The following CLSTN2 variants were observed in gnomAD, a reference collection of about 807,000 sequenced individuals.
CLSTN2 encodes the protein calsyntenin 2, also known as calsyntenin-2.
A neutral mutation model predicts 101.2 loss-of-function variants in CLSTN2; 48 were observed. The observed-to-expected ratio is 0.47, with a 90% CI of 0.38 to 0.60. The LOEUF is 0.60. Ranked by LOEUF, CLSTN2 falls within the 20% of genes least tolerant of loss-of-function variation. CLSTN2 has a pLI of 0.00. For synonymous variants in CLSTN2, 481 were observed against 463.6 expected, an observed-to-expected ratio of 1.04 and a Z score of -0.48; for missense variants, 1,160 against 1,238.2, an observed-to-expected ratio of 0.94 and a Z score of 0.95.
chr3:140,527,764 G>T (rs1233771957), intron 8 of CLSTN2, among the ~76,000 whole-genome samples: 1 of 152,152 alleles, frequency 6.6e-6, no homozygotes, highest in Non-Finnish European at 1.5e-5. Flanking sequence ...CATGTCCTTT[G>T]TGGCAACATA....
intron 2 of CLSTN2, among the ~76,000 whole-genome samples, chr3:140,319,875 A>G (rs886860945): frequency 6.6e-6 from 1 of 152,264 alleles, no homozygotes; most frequent in Non-Finnish European, 1.5e-5. Context: ...GTGGCAACTC[A>G]GTCACCTCCC....
intron 1 of CLSTN2, among the ~76,000 whole-genome samples, chr3:139,991,116 T>G (rs1401927612): frequency 1.3e-5 from 2 of 152,236 alleles, no homozygotes; most frequent in African/African-American, 2.4e-5. Context: ...TGGTTTTATC[T>G]TATTTGGGTA....
At chr3:140,189,272 G>C (rs2010526798) in intron 2 of CLSTN2, among the ~76,000 whole-genome samples, 1 of 152,128 alleles carries the variant, frequency 6.6e-6, no homozygotes, top group African/African-American at 2.4e-5. Context: ...TACATGTCAG[G>C]AGTATAGTTG....
Position 139,947,769 on chromosome 3 carries a change from G to A in CLSTN2, c.109+12286G>A, listed in dbSNP as rs185094240. Among the ~76,000 whole-genome samples the A allele has an allele frequency of 5.0e-4, 76 of 152,072 alleles. 1 individual carries two copies. Among genetic ancestry groups the A allele is most frequent in the African/African-American group, 1.7e-3 (70 of 41,508 alleles). On this transcript the variant is annotated intron_variant, in intron 1 of 16. Coordinates refer to ENST00000458420, the MANE Select transcript of CLSTN2 (RefSeq NM_022131.3). ...GTATCTTGCTTAATTATTAATGTTA[G>A]AATTATATTTAAGACTTTTTAGTAA...
Position 140,074,134 on chromosome 3 carries a change from C to CT in CLSTN2, c.110-101808dup, listed in dbSNP as rs940472319. Among the ~76,000 whole-genome samples the CT allele has an allele frequency of 6.6e-5, 10 of 151,584 alleles. 1 individual carries two copies. The highest frequency in any genetic ancestry group is 4.2e-4 in the South Asian group (2 of 4,752). ...ATCAAAGCTATAGCTTGCTGTTTTG[C>CT]TTTTTTTTTCCCACCTGCCATTTGA... On this transcript the variant is annotated intron_variant, in intron 1 of 16. Transcript: ENST00000458420.
At chr3:140,108,090 G>T (rs1282698271) in intron 1 of CLSTN2, among the ~76,000 whole-genome samples, 1 of 152,164 alleles carries the variant, frequency 6.6e-6, no homozygotes, top group Non-Finnish European at 1.5e-5. Context: ...CCTCTTCAGT[G>T]TGTAGAGAAT....
intron 2 of CLSTN2, among the ~76,000 whole-genome samples, chr3:140,333,506 G>C (rs367758770): frequency 5.8e-4 from 88 of 152,184 alleles, no homozygotes; most frequent in African/African-American, 1.9e-3. Flanking sequence ...CAGGACCCCT[G>C]TGCCCATGGT....
At chr3:140,403,937 A>C (rs1221014751) in intron 3 of CLSTN2, 113 bp downstream of exon 3, 16 of 862,876 alleles carry the variant, frequency 1.9e-5, no homozygotes, top group Admixed American at 2.9e-5. Context: ...TGGTGCTCCA[A>C]CTTTGCTCAA....
intron 1 of CLSTN2, among the ~76,000 whole-genome samples, chr3:140,074,659 G>A (rs1255739904): frequency 2.0e-5 from 3 of 152,194 alleles, no homozygotes; most frequent in Non-Finnish European, 4.4e-5. Flanking sequence ...TTTTACAGAT[G>A]AGGAAACAGA....
intron 6 of CLSTN2, among the ~76,000 whole-genome samples, chr3:140,459,196 G>A (rs1933493473): frequency 6.6e-6 from 1 of 152,128 alleles, no homozygotes; most frequent in Non-Finnish European, 1.5e-5. Context: ...TCAAATCCTG[G>A]CTTTCTCCAG....
intron 5 of CLSTN2, among the ~76,000 whole-genome samples, chr3:140,428,194 G>A (rs1260254567): frequency 2.6e-5 from 4 of 152,082 alleles, no homozygotes; most frequent in Non-Finnish European, 5.9e-5. Flanking sequence ...TTTATCTTAT[G>A]TTATGCTGTT....
intron 8 of CLSTN2, among the ~76,000 whole-genome samples, chr3:140,521,633 G>A (rs1161454616): frequency 1.3e-5 from 2 of 152,212 alleles, no homozygotes; most frequent in Non-Finnish European, 2.9e-5. Flanking sequence ...AAGAAATCTG[G>A]CTGATTTTTG....
intron 2 of CLSTN2, among the ~76,000 whole-genome samples, chr3:140,385,669 G>A (rs908777732): frequency 5.3e-5 from 8 of 152,006 alleles, no homozygotes; most frequent in Non-Finnish European, 5.9e-5. Context: ...GAGCCACCGC[G>A]CCCGGCCCCT....
chr3:140,111,231 C>T (rs1047859543), intron 1 of CLSTN2, among the ~76,000 whole-genome samples: 1 of 152,168 alleles, frequency 6.6e-6, no homozygotes, highest in Non-Finnish European at 1.5e-5. Context: ...GACACAACTC[C>T]TTTCTCGCTC....
intron 2 of CLSTN2, among the ~76,000 whole-genome samples, chr3:140,381,496 A>G (rs2087983327): frequency 6.6e-6 from 1 of 152,200 alleles, no homozygotes; most frequent in African/African-American, 2.4e-5. Flanking sequence ...CTGGGAGTAA[A>G]AAGAATACCT....
chr3:140,482,452 G>A (rs1332668188), intron 8 of CLSTN2, among the ~76,000 whole-genome samples: 1 of 152,160 alleles, frequency 6.6e-6, no homozygotes, highest in African/African-American at 2.4e-5. Flanking sequence ...GATGATGCTG[G>A]CCTCATAAAA....
At chr3:140,510,041 C>T (rs1444122265) in intron 8 of CLSTN2, among the ~76,000 whole-genome samples, 2 of 152,216 alleles carry the variant, frequency 1.3e-5, no homozygotes, top group East Asian at 3.8e-4. Context: ...AGAACACTTA[C>T]ATTAGCCTAC....
At chr3:140,062,195 T>G (rs1250109870) in intron 1 of CLSTN2, among the ~76,000 whole-genome samples, 2 of 152,120 alleles carry the variant, frequency 1.3e-5, no homozygotes, top group African/African-American at 4.8e-5. Context: ...CTGGTCATGA[T>G]GACGTCAGTC....
intron 1 of CLSTN2, among the ~76,000 whole-genome samples, chr3:140,035,015 C>A (rs1463251762): frequency 6.6e-6 from 1 of 152,158 alleles, no homozygotes; most frequent in Non-Finnish European, 1.5e-5. Context: ...CTCTCTTATG[C>A]CCCTAGCAGC....
Sources: gnomAD v4.1 joint callset for allele counts (sites outside exome capture counted in the v4.1 genomes callset) on GRCh38, gnomAD v4.1.1 for gene constraint, MANE v1.5 for transcripts, NCBI Gene and HGNC (gene_info 2026-07-23, HGNC 2026-07-21) for gene names.